The following FOXI1 variants were observed in gnomAD, a reference collection of about 807,000 sequenced individuals.
FOXI1 encodes the protein forkhead box protein I1.
In FOXI1, 11 loss-of-function variants were observed where a neutral mutation model predicts 16.4. That is an observed-to-expected ratio of 0.67 (90% CI 0.42 to 1.11). FOXI1 has a LOEUF of 1.11. FOXI1 is among the 50% of genes least tolerant of loss of function. The pLI is 0.00. For missense variants in FOXI1, 480 were observed against 506.1 expected, an observed-to-expected ratio of 0.95 and a Z score of 0.49; for synonymous variants, 218 against 211.5, an observed-to-expected ratio of 1.03 and a Z score of -0.27.
rs1758607711 is a variant in FOXI1 at position 170,109,662 on chromosome 5, T to C, written c.*1051T>C. On this transcript the variant is annotated 3_prime_UTR_variant, in exon 2 of 2. Transcript: ENST00000306268. ...ATCTCTTGGGATTTCTCCTTGTTTT[T>C]GTGAGTACCTGGGAAGTGTTGTTTG... The C allele has an allele frequency of 1.3e-5, 2 of 152,192 alleles. No individual in the cohort carries two copies. Among genetic ancestry groups the C allele is most frequent in the African/African-American group, 4.8e-5 (2 of 41,434 alleles). The allele number at this position is 152,192 out of a possible 1,614,324, so 9.4% of individuals were successfully genotyped here.
rs1188777518 is a variant in FOXI1 at position 170,109,485 on chromosome 5, C to A, written c.*874C>A. On this transcript the variant is annotated 3_prime_UTR_variant, in exon 2 of 2. Coordinates refer to ENST00000306268, the MANE Select transcript of FOXI1 (RefSeq NM_012188.5). The stretch of plus-strand genomic sequence containing the variant: ...AGTTTCCTGTGTGCATGTCATGGAC[C>A]AGTGAGCTGGAGATGGCTGAATCTT... The A allele has an allele frequency of 6.6e-6, 1 of 152,200 alleles. No homozygotes were observed. Among genetic ancestry groups the A allele is most frequent in the African/African-American group, 2.4e-5 (1 of 41,446 alleles). 9.4% of individuals were successfully genotyped at this position (152,200 alleles called of 1,614,324 possible).
intron 1 of FOXI1, 147 bp from the exon 2 acceptor site, chr5:170,107,902 T>C (rs1369745532): frequency 1.4e-6 from 1 of 727,620 alleles, no homozygotes; most frequent in Non-Finnish European, 2.5e-6. Context: ...CATCAGTTGA[T>C]GGAATTCCTC....
rs1051087019 is a variant in FOXI1, at chr5:170,106,130, C to T, written c.173C>T (p.Thr58Ile). ...SFEGGGEYGA[T>I]PNPYLWFNGP... ...GAGGGGGGCGGCGAGTATGGGGCCA[C>T]CCCCAACCCCTACCTCTGGTTCAAC... is the stretch of plus-strand genomic sequence containing the variant. The change falls in exon 1 of 2, where the codon ACC (threonine) becomes ATC (isoleucine). Residue 58 changes from threonine (T) to isoleucine (I), a missense_variant. By Grantham distance (89) the Thr-to-Ile change is moderately conservative. Around this residue, in one of 3 missense-constraint regions of FOXI1, gnomAD observed 219 missense variants for 222.9 expected, o/e 0.98. Transcript: ENST00000306268. The T allele has an allele frequency of 6.2e-7, 1 of 1,611,022 alleles. No homozygotes were observed. Among genetic ancestry groups the T allele is most frequent in the Non-Finnish European group, 8.5e-7 (1 of 1,178,460 alleles).
chr5:170,108,816 T>G lies in FOXI1; in HGVS notation c.*205T>G. 1.0e-5 allele frequency: 6 copies of G among 595,986 alleles called. No individual in the cohort carries two copies. Among genetic ancestry groups the G allele is most frequent in the East Asian group, 2.9e-5 (1 of 34,826 alleles). The allele number at this position is 595,986 out of a possible 1,614,324, so 36.9% of individuals were successfully genotyped here. A position where few individuals can be genotyped will look rare whatever the true frequency, so the allele number is the denominator to read the frequency against. On this transcript the variant is annotated 3_prime_UTR_variant, in exon 2 of 2. Coordinates refer to ENST00000306268, the MANE Select transcript of FOXI1 (RefSeq NM_012188.5). The stretch of plus-strand genomic sequence containing the variant: ...ACACACAGACTCACCAACTTTGCAA[T>G]AGAAATACTGGTGCCTGCAGAGCAG...
chr5:170,108,223 A>G lies in FOXI1; in HGVS notation c.749A>G (p.Asp250Gly). The G allele has an allele frequency of 1.2e-6, 2 of 1,614,198 alleles. No homozygotes were observed. The highest frequency in any genetic ancestry group is 2.2e-5 in the South Asian group (2 of 91,078). Residue 250 changes from aspartate (D) to glycine (G), a missense_variant, in exon 2 of 2, where the codon GAC (aspartate) becomes GGC (glycine). Around this residue, in one of 3 missense-constraint regions of FOXI1, gnomAD observed 257 missense variants for 262.2 expected, o/e 0.98. Transcript: ENST00000306268. ...VDSPKTTEPQDILDGASPGGT... is the reference protein window; with the variant it reads ...VDSPKTTEPQGILDGASPGGT... ...AGCCCCAAGACCACGGAGCCTCAGG[A>G]CATCTTGGATGGAGCCTCACCAGGG...
chr5:170,107,826 C>T (rs1467151291), intron 1 of FOXI1, among the ~76,000 whole-genome samples: 2 of 152,226 alleles, frequency 1.3e-5, no homozygotes, highest in African/African-American at 4.8e-5. Context: ...ATGCTCATGC[C>T]TCTCGGCTGC....
chr5:170,108,110 C>T lies in FOXI1; in HGVS notation c.636C>T (p.Phe212=). 6.2e-7 allele frequency: 1 copy of T among 1,614,194 alleles called. No homozygotes were observed. The highest frequency in any genetic ancestry group is 8.5e-7 in the Non-Finnish European group (1 of 1,180,014). Residue 212 remains phenylalanine (F), a synonymous_variant, in exon 2 of 2, where the codon TTC becomes TTT. Transcript: ENST00000306268. ...NCEKMFDNGN[F]RRKRKRKSDV... is the part of the protein sequence containing the mutation. ...AGAAAATGTTCGACAATGGAAATTT[C>T]CGCAGGAAAAGGAAGAGAAAATCAG...
chr5:170,107,794 G>T (rs1294017790), intron 1 of FOXI1, among the ~76,000 whole-genome samples: 1 of 152,158 alleles, frequency 6.6e-6, no homozygotes, highest in Non-Finnish European at 1.5e-5. Context: ...TTCTTAAAGA[G>T]ACCTACATTG....
rs1281846819 is a variant in FOXI1, at chr5:170,109,428, G to A, written c.*817G>A. The stretch of plus-strand genomic sequence containing the variant: ...TGTACCCCTAAATCCTCCCACCCCA[G>A]CACTGCCCATCTGTAAAATCTTGTA... On this transcript the variant is annotated 3_prime_UTR_variant, in exon 2 of 2. Coordinates refer to ENST00000306268, the MANE Select transcript of FOXI1 (RefSeq NM_012188.5). 1 of 152,218 alleles carries A rather than the reference G, an allele frequency of 6.6e-6. No homozygotes were observed. Among genetic ancestry groups the A allele is most frequent in the Non-Finnish European group, 1.5e-5 (1 of 68,070 alleles). The allele number at this position is 152,218 out of a possible 1,614,324, so 9.4% of individuals were successfully genotyped here. A position where few individuals can be genotyped will look rare whatever the true frequency, so the allele number is the denominator to read the frequency against.
chr5:170,108,356 C>T lies in FOXI1; in HGVS notation c.882C>T (p.Pro294=). 1 of 1,614,156 alleles carries T rather than the reference C, an allele frequency of 6.2e-7. No individual in the cohort carries two copies. ...CAGCCTATGTGAGCGGGGGGAGCCCCACGAGCCACCCCTTGGTCACACCAG... is the reference window on the plus strand; with the variant it reads ...CAGCCTATGTGAGCGGGGGGAGCCCTACGAGCCACCCCTTGGTCACACCAG... ...SMTAYVSGGS[P]TSHPLVTPGL... The change falls in exon 2 of 2, where the codon CCC becomes CCT. Residue 294 remains proline, a synonymous_variant. Transcript: ENST00000306268.
At position 170,108,711 on chromosome 5, in the gene FOXI1, A is replaced by G. The variant is rs1417108513; in HGVS notation, c.*100A>G. 2.2e-6 allele frequency: 2 copies of G among 914,492 alleles called. No individual in the cohort carries two copies. Among genetic ancestry groups the G allele is most frequent in the Non-Finnish European group, 3.6e-6 (2 of 550,750 alleles). 56.6% of individuals were successfully genotyped at this position (914,492 alleles called of 1,614,324 possible). A position where few individuals can be genotyped will look rare whatever the true frequency, so the allele number is the denominator to read the frequency against. The stretch of plus-strand genomic sequence containing the variant: ...GTGGTCCATGACTGCGGAACTGCCC[A>G]GACATAAGCAGGAGCCTCCGAGGAA... On this transcript the variant is annotated 3_prime_UTR_variant, in exon 2 of 2. Coordinates refer to ENST00000306268, the MANE Select transcript of FOXI1 (RefSeq NM_012188.5).
chr5:170,106,530 G>GGGTA lies in FOXI1; in HGVS notation c.574_574+3dup, dbSNP rs1758494796. On this transcript the variant is annotated frameshift_variant and splice_region_variant, in exon 1 of 2. Transcript: ENST00000306268. LOFTEE classifies it low-confidence loss of function (END_TRUNC). ...AGGTGCCCCGCGACGAGGACGACCC[G>GGGTA]GGTAAGGAGGCTTTGAGTGTGGGGG... The GGGTA allele has an allele frequency of 6.2e-7, 1 of 1,614,102 alleles. No homozygotes were observed. Among genetic ancestry groups the GGGTA allele is most frequent in the African/African-American group, 1.3e-5 (1 of 74,934 alleles).
rs1758470315 is a variant in FOXI1 at position 170,106,100 on chromosome 5, C to T, written c.143C>T (p.Ser48Phe). ...PQGVPSPQRP[S>F]FEGGGEYGAT... ...GGCGTGCCCAGCCCTCAGCGGCCCT[C>T]CTTCGAGGGGGGCGGCGAGTATGGG... The change falls in exon 1 of 2, where the codon TCC becomes TTC. Residue 48 changes from serine (S) to phenylalanine (F), a missense_variant. Coordinates refer to ENST00000306268, the MANE Select transcript of FOXI1 (RefSeq NM_012188.5). 12 of 1,613,196 alleles carry T rather than the reference C, an allele frequency of 7.4e-6. No individual in the cohort carries two copies. The highest frequency in any genetic ancestry group is 1.0e-5 in the Non-Finnish European group (12 of 1,179,620).
Position 170,106,334 on chromosome 5 carries a change from A to G in FOXI1, c.377A>G (p.Tyr126Cys), listed in dbSNP as rs779485173. The G allele has an allele frequency of 1.9e-6, 3 of 1,605,618 alleles. No homozygotes were observed. Among genetic ancestry groups the G allele is most frequent in the Non-Finnish European group, 2.6e-6 (3 of 1,175,900 alleles). ...CTGATGAAGCTGGTGCGGCCACCCT[A>G]TTCCTACTCGGCTCTCATCGCCATG... ...EELMKLVRPP[Y>C]SYSALIAMAI... Residue 126 changes from tyrosine (Y) to cysteine (C), a missense_variant, in exon 1 of 2, where the codon TAT becomes TGT. This residue lies in a region of FOXI1 where 219 missense variants were observed against 222.9 expected (regional missense o/e 0.98). Coordinates refer to ENST00000306268, the MANE Select transcript of FOXI1 (RefSeq NM_012188.5).
In FOXI1 at chr5:170,106,485, G is replaced by A. The variant is rs373094576; in HGVS notation, c.528G>A (p.Ser176=). Residue 176 remains serine, a synonymous_variant, in exon 1 of 2, where the codon TCG becomes TCA. Coordinates refer to ENST00000306268, the MANE Select transcript of FOXI1 (RefSeq NM_012188.5). ...GWQNSIRHNL[S]LNDCFKKVPR... ...AGAACTCCATCCGCCACAACCTGTCGCTCAACGACTGCTTCAAGAAGGTGC... is the reference window on the plus strand; with the variant it reads ...AGAACTCCATCCGCCACAACCTGTCACTCAACGACTGCTTCAAGAAGGTGC... 7.9e-5 allele frequency: 127 copies of A among 1,614,142 alleles called. No individual in the cohort carries two copies. The highest frequency in any genetic ancestry group is 9.7e-5 in the Non-Finnish European group (114 of 1,180,058).
rs1460976749 is a variant in FOXI1 at position 170,106,183 on chromosome 5, C to G, written c.226C>G (p.Leu76Val). 3 of 1,591,968 alleles carry G rather than the reference C, an allele frequency of 1.9e-6. No homozygotes were observed. Among genetic ancestry groups the G allele is most frequent in the Non-Finnish European group, 2.6e-6 (3 of 1,168,394 alleles). ...GCCCACCATGACCCCGCCACCCTACCTGCCCGGCCCCAACGCCAGCCCCTT... is the reference window on the plus strand; with the variant it reads ...GCCCACCATGACCCCGCCACCCTACGTGCCCGGCCCCAACGCCAGCCCCTT... The part of the protein sequence containing the change: ...NGPTMTPPPY[L>V]PGPNASPFLP... Residue 76 changes from leucine (L) to valine (V), a missense_variant, in exon 1 of 2, where the codon CTG becomes GTG. By Grantham distance (32) the Leu-to-Val change is conservative (BLOSUM62 1). Around this residue, in one of 3 missense-constraint regions of FOXI1, gnomAD observed 219 missense variants for 222.9 expected, o/e 0.98. Coordinates refer to ENST00000306268, the MANE Select transcript of FOXI1 (RefSeq NM_012188.5).
In FOXI1 at chr5:170,108,158, C is replaced by T; in HGVS notation, c.684C>T (p.Ser228=). 1 of 1,614,136 alleles carries T rather than the reference C, an allele frequency of 6.2e-7. No individual in the cohort carries two copies. ...CAGATGTTTCCTCTAGCACAGCCTC[C>T]TTGGCCTTAGAGAAGACAGAGAGCA... ...RKSDVSSSTA[S]LALEKTESSL... Residue 228 remains serine (S), a synonymous_variant, in exon 2 of 2, where the codon TCC becomes TCT. Coordinates refer to ENST00000306268, the MANE Select transcript of FOXI1 (RefSeq NM_012188.5).
chr5:170,106,518 C>A lies in FOXI1; in HGVS notation c.561C>A (p.Asp187Glu). ...LNDCFKKVPR[D>E]EDDPGKGNYW... is the part of the protein sequence containing the mutation. Reference sequence around the variant, plus strand: ...ACTGCTTCAAGAAGGTGCCCCGCGACGAGGACGACCCGGGTAAGGAGGCTT... The same window carrying A: ...ACTGCTTCAAGAAGGTGCCCCGCGAAGAGGACGACCCGGGTAAGGAGGCTT... Residue 187 changes from aspartate (D) to glutamate (E), a missense_variant, in exon 1 of 2, where the codon GAC becomes GAA. This residue lies in a region of FOXI1 where 257 missense variants were observed against 262.2 expected (regional missense o/e 0.98). Transcript: ENST00000306268. 6.2e-7 allele frequency: 1 copy of A among 1,614,244 alleles called. No individual in the cohort carries two copies. Among genetic ancestry groups the A allele is most frequent in the Non-Finnish European group, 8.5e-7 (1 of 1,180,040 alleles).
At chr5:170,106,868 A>G in intron 1 of FOXI1, 4 of 424,928 alleles carry the variant, frequency 9.4e-6, no homozygotes, top group Non-Finnish European at 1.3e-5. Context: ...TTTAGGTGTT[A>G]TCAAGCGCTT....
Sources: allele counts gnomAD v4.1 joint callset (sites outside exome capture counted in the v4.1 genomes callset), GRCh38; gene constraint gnomAD v4.1.1; regional missense constraint gnomAD v4.1.1; transcripts MANE v1.5; gene names NCBI Gene and HGNC (gene_info 2026-07-23, HGNC 2026-07-21).